RPIA: variants seen among roughly 807,000 people sequenced by gnomAD.
RPIA encodes the protein ribose 5-phosphate isomerase A.
RPIA carries 29 observed loss-of-function variants against 37.8 expected under a neutral mutation model. The observed-to-expected ratio is 0.77, with a 90% confidence interval of 0.57 to 1.05. The LOEUF is 1.05. Ranked by LOEUF, RPIA falls within the 50% of genes least tolerant of loss-of-function variation. RPIA has a pLI of 0.00. For synonymous variants in RPIA, 167 were observed against 157.0 expected (o/e 1.06, Z -0.48); for missense variants, 385 against 413.6 (o/e 0.93, Z 0.60).
intron 3 of RPIA, among the ~76,000 whole-genome samples, chr2:88,704,554 C>T (rs1231847182): frequency 6.6e-6 from 1 of 152,156 alleles, no homozygotes; most frequent in African/African-American, 2.4e-5. Context: ...CAGGTTTCTC[C>T]CACAACACAT....
intron 8 of RPIA, among the ~76,000 whole-genome samples, chr2:88,744,123 T>C (rs1272054464): frequency 1.3e-5 from 2 of 152,170 alleles, no homozygotes; most frequent in African/African-American, 4.8e-5. Context: ...CTTTCAGAGT[T>C]TTTGGTTTAG....
intron 8 of RPIA, among the ~76,000 whole-genome samples, chr2:88,743,920 C>T (rs187462863): frequency 1.3e-5 from 2 of 152,096 alleles, no homozygotes; most frequent in African/African-American, 4.8e-5. Flanking sequence ...CTTGGTTAAT[C>T]TCACTAATGG....
chr2:88,708,160 G>A (rs924016001), intron 3 of RPIA, among the ~76,000 whole-genome samples: 1 of 152,178 alleles, frequency 6.6e-6, no homozygotes, highest in Admixed American at 6.5e-5. Flanking sequence ...GTTCAGGCCT[G>A]GTCTGGTAAT....
At chr2:88,702,724 G>C (rs527810505) in intron 3 of RPIA, among the ~76,000 whole-genome samples, 2 of 152,320 alleles carry the variant, frequency 1.3e-5, no homozygotes, top group South Asian at 4.1e-4. Context: ...CAGCTCTGGA[G>C]CCTGCCAAAT....
intron 3 of RPIA, among the ~76,000 whole-genome samples, chr2:88,727,708 G>C (rs1000248572): frequency 1.3e-5 from 2 of 152,210 alleles, no homozygotes; most frequent in South Asian, 2.1e-4. Context: ...TGAAAAGGAC[G>C]TGATCTCTCT....
chr2:88,699,450 GA>G (rs888869304), intron 2 of RPIA, among the ~76,000 whole-genome samples: 7 of 149,216 alleles, frequency 4.7e-5, no homozygotes, highest in Admixed American at 2.7e-4. Flanking sequence ...AATCCAAATT[GA>G]AAAAATAAAT....
chr2:88,716,728 G>T (rs1002328393), intron 3 of RPIA, among the ~76,000 whole-genome samples: 7 of 152,174 alleles, frequency 4.6e-5, no homozygotes, highest in African/African-American at 7.2e-5. Context: ...AGTTTAGCCA[G>T]ATACAGTCTC....
intron 8 of RPIA, among the ~76,000 whole-genome samples, chr2:88,749,403 T>C (rs948045273): frequency 6.6e-6 from 1 of 152,226 alleles, no homozygotes; most frequent in African/African-American, 2.4e-5. Context: ...GTAGCTTCTT[T>C]TGTGAGGTAC....
At chr2:88,706,349 T>C (rs889312582) in intron 3 of RPIA, among the ~76,000 whole-genome samples, 2 of 152,142 alleles carry the variant, frequency 1.3e-5, no homozygotes, top group Admixed American at 6.5e-5. Context: ...ATGGTACATA[T>C]GCACCATAGA....
chr2:88,722,487 T>C (rs1449664502), intron 3 of RPIA, among the ~76,000 whole-genome samples: 4 of 151,770 alleles, frequency 2.6e-5, no homozygotes, highest in Non-Finnish European at 5.9e-5. Flanking sequence ...AAACTTTCCA[T>C]TGCAAAATTC....
At chr2:88,737,917 C>T in intron 7 of RPIA, 60 bp from the exon 8 acceptor site, 1 of 1,269,984 alleles carries the variant, frequency 7.9e-7, no homozygotes, top group Non-Finnish European at 1.2e-6. Flanking sequence ...CTCTACTTTC[C>T]TGTCCTTCTC....
intron 8 of RPIA, among the ~76,000 whole-genome samples, chr2:88,738,794 C>T (rs774464749): frequency 2.1e-4 from 32 of 152,214 alleles, no homozygotes; most frequent in Non-Finnish European, 4.4e-4. Context: ...CCTTTGATTC[C>T]CACTTTGATG....
chr2:88,743,431 G>C (rs1673405300), intron 8 of RPIA, among the ~76,000 whole-genome samples: 1 of 152,070 alleles, frequency 6.6e-6, no homozygotes, highest in African/African-American at 2.4e-5. Context: ...TGTTGGATTT[G>C]GCTAGCTAGT....
At chr2:88,697,496 C>T (rs146629859) in intron 1 of RPIA, among the ~76,000 whole-genome samples, 8 of 152,328 alleles carry the variant, frequency 5.3e-5, no homozygotes, top group African/African-American at 1.7e-4. Context: ...ACCCTGGCCT[C>T]GTTTTGCTCT....
intron 3 of RPIA, among the ~76,000 whole-genome samples, chr2:88,727,080 C>T (rs1043222152): frequency 5.4e-5 from 8 of 148,708 alleles, no homozygotes; most frequent in African/African-American, 1.3e-4. Flanking sequence ...CTCTTGTGTG[C>T]GTGCGTGTGT....
chr2:88,727,708 G>A (rs1000248572), intron 3 of RPIA, among the ~76,000 whole-genome samples: 11 of 152,326 alleles, frequency 7.2e-5, no homozygotes, highest in Middle Eastern at 3.4e-3. Flanking sequence ...TGAAAAGGAC[G>A]TGATCTCTCT....
At chr2:88,720,335 A>G (rs1558694161) in intron 3 of RPIA, among the ~76,000 whole-genome samples, 1 of 152,208 alleles carries the variant, frequency 6.6e-6, no homozygotes, top group Non-Finnish European at 1.5e-5. Context: ...AGTTACCAAA[A>G]GGCAAAAGGA....
chr2:88,705,799 A>G (rs892910908), intron 3 of RPIA, among the ~76,000 whole-genome samples: 1 of 152,200 alleles, frequency 6.6e-6, no homozygotes, highest in Non-Finnish European at 1.5e-5. Flanking sequence ...AATTTTTGCA[A>G]TCTATCCATC....
chr2:88,691,709 C>A lies in RPIA; in HGVS notation c.11C>A (p.Pro4His). ...GAGCGAGGCGTCGGGATGCAGCGCC[C>A]CGGGCCCTTCAGCACCCTCTACGGG... The part of the protein sequence containing the change: MQR[P>H]GPFSTLYGRV... Residue 4 changes from proline (P) to histidine (H), a missense_variant, in exon 1 of 9, where the codon CCC (proline) becomes CAC (histidine). This residue lies in a region of RPIA where 232 missense variants were observed against 203.0 expected (regional missense o/e 1.14). Transcript: ENST00000283646. 6.3e-7 allele frequency: 1 copy of A among 1,578,654 alleles called. No homozygotes were observed. The highest frequency in any genetic ancestry group is 8.5e-7 in the Non-Finnish European group (1 of 1,169,624).
Sources: allele counts gnomAD v4.1 joint callset (sites outside exome capture counted in the v4.1 genomes callset), GRCh38; gene constraint gnomAD v4.1.1; regional missense constraint gnomAD v4.1.1; transcripts MANE v1.5; gene names NCBI Gene and HGNC (gene_info 2026-07-23, HGNC 2026-07-21).